The following GBP4 variants were observed in gnomAD, a reference collection of about 807,000 sequenced individuals.
GBP4 encodes guanylate-binding protein 4.
GBP4 carries 69 observed loss-of-function variants against 62.2 expected under a neutral mutation model. The observed-to-expected ratio is 1.11, with a 90% CI of 0.91 to 1.36. The LOEUF (loss-of-function observed/expected upper bound fraction) is 1.36, where lower values mean the gene tolerates loss of function less well. GBP4 is among the 40% of genes most tolerant of loss of function. The pLI is 0.00. For synonymous variants in GBP4, 278 were observed against 274.6 expected (o/e 1.01, Z -0.12); for missense variants, 697 against 759.3 (o/e 0.92, Z 0.96).
Position 89,190,317 on chromosome 1 carries a change from C to G in GBP4, c.918G>C (p.Arg306=). The change falls in exon 7 of 11, where the codon CGG becomes CGC. Residue 306 remains arginine, a splice_region_variant and synonymous_variant. Coordinates refer to ENST00000355754, the MANE Select transcript of GBP4 (RefSeq NM_052941.5). ...CATAAGTCACCACCAGAGTCCCCAG[C>G]CCTGAATCACATATATTTAGGGAAA... ...LREGIIVTGK[R]LGTLVVTYVD... is the part of the protein sequence containing the mutation. 1 of 1,589,418 alleles carries G rather than the reference C, an allele frequency of 6.3e-7. No homozygotes were observed. The highest frequency in any genetic ancestry group is 8.6e-7 in the Non-Finnish European group (1 of 1,162,282).
At chr1:89,196,912 C>T (rs947668036) in intron 2 of GBP4, among the ~76,000 whole-genome samples, 198 bp downstream of exon 2, 10 of 152,098 alleles carry the variant, frequency 6.6e-5, no homozygotes, top group East Asian at 3.9e-4. Flanking sequence ...ACGGATCTTT[C>T]GATAGGGTTG....
chr1:89,190,172 G>A lies in GBP4; in HGVS notation c.1063C>T (p.Gln355Ter). The change falls in exon 7 of 11, where the codon CAG (glutamine) becomes TAG (stop). Residue 355 changes from glutamine to a stop codon, truncating the protein, a stop_gained. Transcript: ENST00000355754. LOFTEE classifies it high-confidence loss of function. ...GTGTCTGTGGGGAGCCTCAGTTGCT[G>A]GGCCATCTGCTGGCTATAGTGGTCG... is the stretch of plus-strand genomic sequence containing the variant. ...AADHYSQQMA[Q>*]QLRLPTDTLQ... 1 of 1,614,184 alleles carries A rather than the reference G, an allele frequency of 6.2e-7. No homozygotes were observed. The highest frequency in any genetic ancestry group is 8.5e-7 in the Non-Finnish European group (1 of 1,180,024).
chr1:89,197,348 A>G (rs955784885), intron 1 of GBP4, 44 bp from the exon 2 acceptor site: 9 of 1,565,318 alleles, frequency 5.7e-6, no homozygotes, highest in Non-Finnish European at 7.8e-6. Context: ...AAGATCTTGA[A>G]GTCATCCCTA....
intron 2 of GBP4, 65 bp downstream of exon 2, chr1:89,197,045 G>C (rs1022614797): frequency 7.3e-7 from 1 of 1,370,862 alleles, no homozygotes; most frequent in African/African-American, 1.4e-5. Context: ...ACCCTAGAGG[G>C]GGTGTGATCA....
chr1:89,191,536 GA>G (rs1290897074), intron 5 of GBP4, 30 bp from the exon 6 acceptor site: 1 of 1,600,820 alleles, frequency 6.2e-7, no homozygotes, highest in African/African-American at 1.3e-5. Context: ...AGGGCTCATT[GA>G]AGAGACAGCC....
At chr1:89,192,789 T>C (rs1217024348) in intron 5 of GBP4, 115 bp downstream of exon 5, 2 of 909,804 alleles carry the variant, frequency 2.2e-6, no homozygotes, top group Non-Finnish European at 1.6e-6. Flanking sequence ...ACCATGAGCA[T>C]GGGCCTCAAA....
intron 6 of GBP4, among the ~76,000 whole-genome samples, chr1:89,190,648 A>T (rs1186722865): frequency 6.6e-6 from 1 of 152,040 alleles, no homozygotes; most frequent in Non-Finnish European, 1.5e-5. Context: ...CAGGGAAAGT[A>T]AGTTATATAA....
chr1:89,196,275 T>C (rs1486006662), intron 2 of GBP4, among the ~76,000 whole-genome samples: 3 of 152,208 alleles, frequency 2.0e-5, no homozygotes, highest in South Asian at 2.1e-4. Flanking sequence ...AGAAAACTTA[T>C]AAACTTCTTA....
In GBP4 at chr1:89,198,703, A is replaced by G; in HGVS notation, c.40+92T>C. ...GTCACCCGCCAGTGTGAAGTCTCCAACCCTCCCCGTGTGCAGTCTGCGCTT... is the reference window on the plus strand; with the variant it reads ...GTCACCCGCCAGTGTGAAGTCTCCAGCCCTCCCCGTGTGCAGTCTGCGCTT... On this transcript the variant is annotated intron_variant, in intron 1 of 10. Coordinates refer to ENST00000355754, the MANE Select transcript of GBP4 (RefSeq NM_052941.5). 8 of 1,122,330 alleles carry G rather than the reference A, an allele frequency of 7.1e-6. No individual in the cohort carries two copies. The South Asian group carries it at 9.8e-5, about 14-fold the overall frequency. The allele number at this position is 1,122,330 out of a possible 1,614,324, so 69.5% of individuals were successfully genotyped here.
chr1:89,198,722 T>A, intron 1 of GBP4, 73 bp downstream of exon 1: 2 of 1,326,058 alleles, frequency 1.5e-6, no homozygotes, highest in Non-Finnish European at 2.2e-6. Flanking sequence ...GTGTGCAGTC[T>A]GCGCTTGGGA....
chr1:89,193,422 A>C lies in GBP4; in HGVS notation c.364-10T>G. The C allele has an allele frequency of 6.2e-7, 1 of 1,606,156 alleles. No homozygotes were observed. The highest frequency in any genetic ancestry group is 8.5e-7 in the Non-Finnish European group (1 of 1,172,856). On this transcript the variant is annotated splice_polypyrimidine_tract_variant and intron_variant, in intron 3 of 10. Transcript: ENST00000355754. ...CATTCTTAGGGTTACTCTAGAAAGCATATAAAGCAAAAGACTTAGGAGTAT... is the reference window on the plus strand; with the variant it reads ...CATTCTTAGGGTTACTCTAGAAAGCCTATAAAGCAAAAGACTTAGGAGTAT...
chr1:89,198,760 T>A, intron 1 of GBP4, 35 bp downstream of exon 1: 1 of 1,586,994 alleles, frequency 6.3e-7, no homozygotes, highest in Non-Finnish European at 8.7e-7. Flanking sequence ...ATAACCCAAA[T>A]ATACTTGAAA....
In GBP4 at chr1:89,188,559, T is replaced by A. The variant is rs759592601; in HGVS notation, c.1410+23A>T. ...CCCTCTGACTATCCTCTGTTATCCATCCCCCATTCCCCTTTTCCTCACCTT... is the reference window on the plus strand; with the variant it reads ...CCCTCTGACTATCCTCTGTTATCCAACCCCCATTCCCCTTTTCCTCACCTT... On this transcript the variant is annotated intron_variant, in intron 8 of 10. Transcript: ENST00000355754. 131 of 1,578,786 alleles carry A rather than the reference T, an allele frequency of 8.3e-5. No individual in the cohort carries two copies. The East Asian group carries it at 2.9e-3, about 35-fold the overall frequency.
chr1:89,192,979 T>G lies in GBP4; in HGVS notation c.595A>C (p.Thr199Pro). The change falls in exon 5 of 11, where the codon ACC becomes CCC. Residue 199 changes from threonine to proline, a missense_variant. Physicochemically the swap from Thr to Pro is conservative, Grantham distance 38. Coordinates refer to ENST00000355754, the MANE Select transcript of GBP4 (RefSeq NM_052941.5). The stretch of plus-strand genomic sequence containing the variant: ...TTTCCATCTAACTTTAGCTCCAGGG[T>G]AAAATCCCGAACAGTCCAAATAAAG... ...PDFIWTVRDF[T>P]LELKLDGNPI... The G allele has an allele frequency of 6.2e-7, 1 of 1,614,148 alleles. No homozygotes were observed. The highest frequency in any genetic ancestry group is 8.5e-7 in the Non-Finnish European group (1 of 1,180,022).
rs1246132396 is a variant in GBP4 at position 89,195,419 on chromosome 1, G to A, written c.241C>T (p.Pro81Ser). The change falls in exon 3 of 11, where the codon CCT becomes TCT. Residue 81 changes from proline to serine, a missense_variant. By Grantham distance (74) the Pro-to-Ser change is moderately conservative (BLOSUM62 -1). This residue lies in a region of GBP4 where 556 missense variants were observed against 562.7 expected (regional missense o/e 0.99). Coordinates refer to ENST00000355754, the MANE Select transcript of GBP4 (RefSeq NM_052941.5). ...TCAGACTGCACCGTGGAGCCCAGAG[G>A]GAAGCCTGCAGGGAAGAGGAAAAAT... Reference protein sequence around the residue: ...NRLAGKRNGFPLGSTVQSETK... With the variant: ...NRLAGKRNGFSLGSTVQSETK... 2 of 1,613,652 alleles carry A rather than the reference G, an allele frequency of 1.2e-6. No individual in the cohort carries two copies. The highest frequency in any genetic ancestry group is 1.3e-5 in the African/African-American group (1 of 74,872).
rs775081314 is a variant in GBP4, at chr1:89,190,083, C to T, written c.1152G>A (p.Glu384=). The T allele has an allele frequency of 7.4e-6, 12 of 1,613,852 alleles. No homozygotes were observed. Among genetic ancestry groups the T allele is most frequent in the African/African-American group, 5.3e-5 (4 of 74,926 alleles). The change falls in exon 7 of 11, where the codon GAG becomes GAA. Residue 384 remains glutamate (E), a synonymous_variant. Transcript: ENST00000355754. ...CATGGTTTTCATCCTTGAAGGAGTGCTCCATGAAGACTGCAATGGCTTCCC... is the reference window on the plus strand; with the variant it reads ...CATGGTTTTCATCCTTGAAGGAGTGTTCCATGAAGACTGCAATGGCTTCCC... ...CEREAIAVFM[E]HSFKDENHEF...
chr1:89,196,819 G>A (rs969767248), intron 2 of GBP4, among the ~76,000 whole-genome samples: 1 of 152,184 alleles, frequency 6.6e-6, no homozygotes, highest in Non-Finnish European at 1.5e-5. Flanking sequence ...ACACAAAAGT[G>A]ATGAATGAGA....
chr1:89,188,299 G>A (rs965480230), intron 8 of GBP4, among the ~76,000 whole-genome samples: 1 of 151,964 alleles, frequency 6.6e-6, no homozygotes, highest in Admixed American at 6.6e-5. Context: ...TGCTTCATAA[G>A]GTATCCTCTG....
chr1:89,186,377 T>C lies in GBP4; in HGVS notation c.1663A>G (p.Asn555Asp), dbSNP rs1267514853. Residue 555 changes from asparagine to aspartate, a missense_variant, in exon 10 of 11, where the codon AAC (asparagine) becomes GAC (aspartate). Transcript: ENST00000355754. Reference protein sequence around the residue: ...MEKKLEEERENLLREHERLLK... With the variant: ...MEKKLEEEREDLLREHERLLK... ...AGCCTTTCATGCTCTCTGAGAAGGT[T>C]TTCCCTTTCCTCCTCCAACTTCTTC... 7.0e-6 allele frequency: 11 copies of C among 1,566,224 alleles called. No individual in the cohort carries two copies. The highest frequency in any genetic ancestry group is 9.7e-6 in the Non-Finnish European group (11 of 1,135,576).
Sources: allele counts gnomAD v4.1 joint callset (sites outside exome capture counted in the v4.1 genomes callset), GRCh38; gene constraint gnomAD v4.1.1; regional missense constraint gnomAD v4.1.1; transcripts MANE v1.5; gene names NCBI Gene and HGNC (gene_info 2026-07-23, HGNC 2026-07-21).